Variants in DDAH1 observed in about 807,000 individuals in gnomAD.
DDAH1 encodes dimethylarginine dimethylaminohydrolase 1, also known as N(G),N(G)-dimethylarginine dimethylaminohydrolase 1.
A neutral mutation model predicts 28.8 loss-of-function variants in DDAH1; 19 were observed. The observed-to-expected ratio is 0.66, with a 90% CI of 0.46 to 0.97. The LOEUF (loss-of-function observed/expected upper bound fraction) is 0.97. Ranked by LOEUF, DDAH1 falls within the 50% of genes least tolerant of loss-of-function variation. The probability of loss-of-function intolerance (pLI) is 0.00; values close to 1 mark genes in which losing one functional copy is unlikely to be tolerated. For synonymous variants in DDAH1, 153 were observed against 154.4 expected, an observed-to-expected ratio of 0.99 and a Z score of 0.07; for missense variants, 326 against 375.9, an observed-to-expected ratio of 0.87 and a Z score of 1.10.
intron 1 of DDAH1, among the ~76,000 whole-genome samples, chr1:85,389,330 A>G (rs150476296): frequency 1.4e-3 from 210 of 152,346 alleles, no homozygotes; most frequent in Non-Finnish European, 2.4e-3. Context: ...TGATGTTTAT[A>G]AAGCTCTTAG....
rs1657546523 is a variant in DDAH1, at chr1:85,518,331, T to C, written c.-122-22050A>G. On this transcript the variant is annotated intron_variant, in intron 1 of 6. Transcript: ENST00000426972. ...GTCAGAAGTCTGGTATGAACTAAAATCAGTGGGTGGGCAGGGTTGCACTCC... is the reference window on the plus strand; with the variant it reads ...GTCAGAAGTCTGGTATGAACTAAAACCAGTGGGTGGGCAGGGTTGCACTCC... Among the ~76,000 whole-genome samples, 3 of 152,200 alleles carry C rather than the reference T, an allele frequency of 2.0e-5. No individual in the cohort carries two copies. The South Asian group carries it at 6.2e-4, about 32-fold the overall frequency.
chr1:85,350,324 C>A, intron 4 of DDAH1, 91 bp downstream of exon 4: 2 of 1,508,986 alleles, frequency 1.3e-6, no homozygotes, highest in South Asian at 2.6e-5. Context: ...CCCTGCCAAC[C>A]CTGCTTGTTA....
chr1:85,464,634 G>C lies in DDAH1; in HGVS notation c.303+109C>G. On this transcript the variant is annotated intron_variant, in intron 1 of 5. Coordinates refer to ENST00000284031, the MANE Select transcript of DDAH1 (RefSeq NM_012137.4). This position sits in a 1 kb window ranked among gnomAD's most constrained non-coding sequence, Gnocchi z 4.4. ...CACTCGCCCCCCGACGGGAAGTTGT[G>C]AACTACTAGCCCGAGGGCCAATGGC... 6.6e-7 allele frequency: 1 copy of C among 1,510,306 alleles called. No individual in the cohort carries two copies. The highest frequency in any genetic ancestry group is 8.8e-7 in the Non-Finnish European group (1 of 1,132,064). 93.6% of individuals were successfully genotyped at this position (1,510,306 alleles called of 1,614,324 possible).
At chr1:85,412,108 A>G (rs1384606959) in intron 1 of DDAH1, among the ~76,000 whole-genome samples, 1 of 152,264 alleles carries the variant, frequency 6.6e-6, no homozygotes, top group Non-Finnish European at 1.5e-5. Context: ...AGAGAAAAGA[A>G]TATTTTTTTA....
intron 1 of DDAH1, among the ~76,000 whole-genome samples, chr1:85,445,929 C>A (rs2100661084): frequency 6.6e-6 from 1 of 152,264 alleles, no homozygotes; most frequent in East Asian, 1.9e-4. Flanking sequence ...CCAAATGAAG[C>A]AATCCCAATA....
At chr1:85,350,282 A>C (rs886260778) in intron 4 of DDAH1, 133 bp downstream of exon 4, 75 of 1,184,988 alleles carry the variant, frequency 6.3e-5, no homozygotes, top group Middle Eastern at 2.9e-4. Flanking sequence ...AACAGTGCAC[A>C]TCACAGAAGC....
intron 1 of DDAH1, among the ~76,000 whole-genome samples, chr1:85,400,216 A>C (rs1373252849): frequency 4.9e-5 from 3 of 61,276 alleles, no homozygotes; most frequent in Non-Finnish European, 8.6e-5. Context: ...TTTGAGACGG[A>C]GTCTCAATCT....
chr1:85,454,329 T>A (rs1654791019), intron 1 of DDAH1, among the ~76,000 whole-genome samples: 1 of 152,212 alleles, frequency 6.6e-6, no homozygotes, highest in African/African-American at 2.4e-5. Context: ...AACTATGGAC[T>A]CATCACTAGT....
At chr1:85,489,593 T>G (rs1032908798) in intron 2 of DDAH1, among the ~76,000 whole-genome samples, 2 of 151,966 alleles carry the variant, frequency 1.3e-5, no homozygotes, top group Admixed American at 6.6e-5. Flanking sequence ...CAAGGAGTAT[T>G]TATGAGAATC....
chr1:85,380,014 CAG>C (rs1650895226), intron 1 of DDAH1, among the ~76,000 whole-genome samples: 1 of 152,204 alleles, frequency 6.6e-6, no homozygotes, highest in African/African-American at 2.4e-5. Context: ...GCCAAAACAA[CAG>C]AGAGCTCATT....
At chr1:85,512,987 T>C (rs202021840) in intron 1 of DDAH1, among the ~76,000 whole-genome samples, 3 of 152,256 alleles carry the variant, frequency 2.0e-5, no homozygotes, top group East Asian at 3.9e-4. Context: ...CTTCACAGAA[T>C]TGGAAAAATC....
chr1:85,415,767 A>G (rs896920952), intron 1 of DDAH1, among the ~76,000 whole-genome samples: 6 of 152,202 alleles, frequency 3.9e-5, no homozygotes, highest in Non-Finnish European at 7.3e-5. Flanking sequence ...TGTGGGGAGG[A>G]TTGTGATTGA....
At chr1:85,336,190 A>G (rs942273906) in intron 4 of DDAH1, among the ~76,000 whole-genome samples, 9 of 152,170 alleles carry the variant, frequency 5.9e-5, no homozygotes, top group African/African-American at 1.2e-4. Context: ...CAATAGCTGC[A>G]GAATACACAT....
chr1:85,528,743 A>G (rs1469560638), intron 1 of DDAH1, among the ~76,000 whole-genome samples: 1 of 152,230 alleles, frequency 6.6e-6, no homozygotes, highest in Non-Finnish European at 1.5e-5. Context: ...TTGGAGGCTG[A>G]GATGGGCGGA....
chr1:85,397,316 G>A (rs992948856), intron 1 of DDAH1, among the ~76,000 whole-genome samples: 2 of 152,134 alleles, frequency 1.3e-5, no homozygotes, highest in African/African-American at 4.8e-5. Context: ...ACAAGTACAG[G>A]TTTGTGACAA....
chr1:85,449,263 G>A (rs1654563453), intron 1 of DDAH1, among the ~76,000 whole-genome samples: 1 of 152,292 alleles, frequency 6.6e-6, no homozygotes, highest in South Asian at 2.1e-4. Context: ...CATATGAGAA[G>A]GTTGGCAGAA....
At chr1:85,383,568 C>CG (rs1651104349) in intron 1 of DDAH1, among the ~76,000 whole-genome samples, 1 of 152,186 alleles carries the variant, frequency 6.6e-6, no homozygotes, top group African/African-American at 2.4e-5. Flanking sequence ...GAGAGGACTA[C>CG]AATCTTGAAA....
At chr1:85,459,230 C>A (rs905620801) in intron 1 of DDAH1, among the ~76,000 whole-genome samples, 6 of 152,172 alleles carry the variant, frequency 3.9e-5, no homozygotes, top group African/African-American at 1.4e-4. Context: ...CAAATACATG[C>A]AAAGGCAATT....
Position 85,464,724 on chromosome 1 carries a change from C to A in DDAH1, c.303+19G>T. 6.8e-7 allele frequency: 1 copy of A among 1,480,118 alleles called. No homozygotes were observed. Among genetic ancestry groups the A allele is most frequent in the Non-Finnish European group, 8.9e-7 (1 of 1,124,694 alleles). The allele number at this position is 1,480,118 out of a possible 1,614,324, so 91.7% of individuals were successfully genotyped here. ...GGCCTGGCGCGCGCCCCGGCCGCGC[C>A]CCTCGAGTCGGCAGTTACCTCCTTC... On this transcript the variant is annotated intron_variant, in intron 1 of 5. Coordinates refer to ENST00000284031, the MANE Select transcript of DDAH1 (RefSeq NM_012137.4). The surrounding 1 kb of genome is among the most constrained non-coding windows in gnomAD (Gnocchi z 4.4).
Sources: gnomAD v4.1 joint callset for allele counts (sites outside exome capture counted in the v4.1 genomes callset) on GRCh38, gnomAD v4.1.1 for gene constraint, Gnocchi (gnomAD v3.1) non-coding constraint, MANE v1.5 for transcripts, NCBI Gene and HGNC (gene_info 2026-07-23, HGNC 2026-07-21) for gene names.